CSMD1: variants seen among roughly 807,000 people sequenced by gnomAD.
The protein encoded by CSMD1 is CUB and Sushi multiple domains 1.
A neutral mutation model predicts 417.5 loss-of-function variants in CSMD1; 213 were observed. The ratio of observed to expected loss-of-function variants is 0.51; its 90% CI spans 0.46 to 0.57. CSMD1 has a LOEUF of 0.57. Ranked by LOEUF, CSMD1 falls within the 20% of genes least tolerant of loss-of-function variation. The probability of loss-of-function intolerance (pLI) is 0.00; values close to 1 mark genes in which losing one functional copy is unlikely to be tolerated. For missense variants in CSMD1, 6,923 were observed against 4,529.7 expected, an observed-to-expected ratio of 1.53 and a Z score of -15.17; for synonymous variants, 2,862 against 1,736.8, an observed-to-expected ratio of 1.65 and a Z score of -16.11.
At chr8:3,832,177 C>A (rs1193593495) in intron 5 of CSMD1, among the ~76,000 whole-genome samples, 7 of 152,118 alleles carry the variant, frequency 4.6e-5, no homozygotes, top group Non-Finnish European at 1.0e-4. Flanking sequence ...AGGCAAACAG[C>A]CGTGGAGGCT....
chr8:3,298,285 A>G (rs1389229904), intron 25 of CSMD1, among the ~76,000 whole-genome samples: 2 of 152,260 alleles, frequency 1.3e-5, no homozygotes, highest in African/African-American at 2.4e-5. Context: ...ATGTCAAAGC[A>G]TATTAAAAGC....
intron 1 of CSMD1, among the ~76,000 whole-genome samples, chr8:4,683,703 C>A (rs1806189596): frequency 6.6e-6 from 1 of 152,184 alleles, no homozygotes; most frequent in Non-Finnish European, 1.5e-5. Context: ...TGGGGTCCCA[C>A]CAGGGGTCCT....
At chr8:3,257,698 C>G (rs371714331) in intron 26 of CSMD1, among the ~76,000 whole-genome samples, 5 of 152,058 alleles carry the variant, frequency 3.3e-5, no homozygotes, top group African/African-American at 1.2e-4. Context: ...ATCAAAGACC[C>G]TAAACGGTGG....
chr8:4,841,172 C>T (rs1800816640), intron 1 of CSMD1, among the ~76,000 whole-genome samples: 1 of 152,186 alleles, frequency 6.6e-6, no homozygotes, highest in Non-Finnish European at 1.5e-5. Context: ...CAGAGCTTCT[C>T]CTCTCCTTGC....
intron 2 of CSMD1, among the ~76,000 whole-genome samples, chr8:4,597,604 T>C (rs1489442696): frequency 2.6e-5 from 4 of 151,988 alleles, no homozygotes; most frequent in Admixed American, 6.6e-5. Context: ...GAAATGAAAA[T>C]GGAATATTTA....
chr8:4,130,437 T>G (rs536680706), intron 3 of CSMD1, among the ~76,000 whole-genome samples: 2 of 152,188 alleles, frequency 1.3e-5, no homozygotes, highest in Non-Finnish European at 2.9e-5. Context: ...CTCAGTTTAG[T>G]GCAAAAATTT....
chr8:4,988,466 T>C lies in CSMD1; in HGVS notation c.85+5866A>G, dbSNP rs1414821686. Among the ~76,000 whole-genome samples, 2 of 151,958 alleles carry C rather than the reference T, an allele frequency of 1.3e-5. 1 individual carries two copies. The highest frequency in any genetic ancestry group is 1.3e-4 in the Admixed American group (2 of 15,230). On this transcript the variant is annotated intron_variant, in intron 1 of 69. Coordinates refer to ENST00000635120, the MANE Select transcript of CSMD1 (RefSeq NM_033225.6). ...AACAAAAAAATATGCCTGCATGATC[T>C]TTTTTCTTTTCATTCCCCAAAGAAA...
At chr8:4,909,054 A>G (rs191536768) in intron 1 of CSMD1, among the ~76,000 whole-genome samples, 6 of 152,196 alleles carry the variant, frequency 3.9e-5, no homozygotes, top group African/African-American at 1.4e-4. Flanking sequence ...GGACTTTAGC[A>G]TGAAGATTTG....
intron 3 of CSMD1, among the ~76,000 whole-genome samples, chr8:4,090,705 T>G (rs1181622734): frequency 6.6e-6 from 1 of 152,188 alleles, no homozygotes; most frequent in South Asian, 2.1e-4. Flanking sequence ...TAGGTTCTAG[T>G]GGAGTTTTAA....
At chr8:3,811,511 G>C (rs1022518575) in intron 5 of CSMD1, among the ~76,000 whole-genome samples, 1 of 152,118 alleles carries the variant, frequency 6.6e-6, no homozygotes, top group Non-Finnish European at 1.5e-5. Context: ...TTTTAGCAGA[G>C]TTGTTCCCTG....
rs113836129 is a variant in CSMD1 at position 3,387,471 on chromosome 8, T to C, written c.2782+23A>G. ...TGTCTCTGCACACCCTGCTGGTGCA[T>C]TGCCTCACTGAGCTGTACCTACCGT... On this transcript the variant is annotated intron_variant, in intron 18 of 69. Coordinates refer to ENST00000635120, the MANE Select transcript of CSMD1 (RefSeq NM_033225.6). 155 of 1,572,394 alleles carry C rather than the reference T, an allele frequency of 9.9e-5. No individual in the cohort carries two copies. In the African/African-American group the frequency reaches 1.5e-3, roughly 15 times the overall value.
In CSMD1 at chr8:3,929,511, T is replaced by C. The variant is rs373393691; in HGVS notation, c.818+68392A>G. ...GGACTCTGCAATCTGCATATTGAAA[T>C]TCAAAGTCAACGTCCATTGGCAGGA... On this transcript the variant is annotated intron_variant, in intron 5 of 69. Transcript: ENST00000635120. Among the ~76,000 whole-genome samples the C allele has an allele frequency of 5.3e-5, 8 of 150,398 alleles. No homozygotes were observed. The East Asian group carries it at 7.8e-4, about 15-fold the overall frequency.
At chr8:3,859,073 T>C (rs1484264764) in intron 5 of CSMD1, among the ~76,000 whole-genome samples, 3 of 152,192 alleles carry the variant, frequency 2.0e-5, no homozygotes, top group African/African-American at 7.2e-5. Context: ...TGTTATGTGA[T>C]ATTCATCTTC....
chr8:4,467,944 C>T (rs980702836), intron 2 of CSMD1, among the ~76,000 whole-genome samples: 2 of 152,082 alleles, frequency 1.3e-5, no homozygotes, highest in South Asian at 2.1e-4. Flanking sequence ...CCTGAACTAA[C>T]AAAGTAATAT....
At chr8:4,690,935 G>C (rs907085230) in intron 1 of CSMD1, among the ~76,000 whole-genome samples, 5 of 152,012 alleles carry the variant, frequency 3.3e-5, no homozygotes, top group Non-Finnish European at 5.9e-5. Flanking sequence ...CACCATGTTG[G>C]CCAGGCTGGT....
chr8:4,299,036 C>T (rs1443675156), intron 3 of CSMD1, among the ~76,000 whole-genome samples: 2 of 152,024 alleles, frequency 1.3e-5, no homozygotes, highest in Non-Finnish European at 1.5e-5. Flanking sequence ...AATAAAAGAA[C>T]TGTAGGAAAT....
chr8:2,972,110 T>C (rs1010209613), intron 57 of CSMD1, among the ~76,000 whole-genome samples: 1 of 152,074 alleles, frequency 6.6e-6, no homozygotes, highest in Non-Finnish European at 1.5e-5. Flanking sequence ...CGTTATTTTA[T>C]ATGTGAAATT....
intron 5 of CSMD1, among the ~76,000 whole-genome samples, chr8:3,919,660 T>C (rs1005087525): frequency 2.6e-5 from 4 of 152,188 alleles, no homozygotes; most frequent in Non-Finnish European, 5.9e-5. Flanking sequence ...TTTTTTTCTA[T>C]TTCTGTAAAA....
chr8:4,498,867 C>G (rs976951107), intron 2 of CSMD1, among the ~76,000 whole-genome samples: 1 of 151,918 alleles, frequency 6.6e-6, no homozygotes, highest in Non-Finnish European at 1.5e-5. Flanking sequence ...TTACTACACC[C>G]CAGAAGTCAA....
Sources: allele counts gnomAD v4.1 joint callset (sites outside exome capture counted in the v4.1 genomes callset), GRCh38; gene constraint gnomAD v4.1.1; transcripts MANE v1.5; gene names NCBI Gene and HGNC (gene_info 2026-07-23, HGNC 2026-07-21).